The following PRKG1 variants were observed in gnomAD, a reference collection of about 807,000 sequenced individuals.
The protein encoded by PRKG1 is protein kinase cGMP-dependent 1.
In PRKG1, 35 loss-of-function variants were observed where a neutral mutation model predicts 88.1. That is an observed-to-expected ratio of 0.40 (90% CI 0.30 to 0.53). The LOEUF (loss-of-function observed/expected upper bound fraction) is 0.53, where lower values mean the gene tolerates loss of function less well. Among genes scored for constraint, PRKG1 ranks in the 20% least tolerant of loss-of-function variants. PRKG1 has a pLI of 0.59. For synonymous variants in PRKG1, 303 were observed against 292.5 expected (o/e 1.04, Z -0.37); for missense variants, 540 against 839.8 (o/e 0.64, Z 4.41).
rs1279173006 is a variant in PRKG1, at chr10:52,099,497, C to T, written c.936-34343C>T. Among the ~76,000 whole-genome samples, 4 of 152,104 alleles carry T rather than the reference C, an allele frequency of 2.6e-5. No individual in the cohort carries two copies. The East Asian group carries it at 5.8e-4, about 22-fold the overall frequency. On this transcript the variant is annotated intron_variant, in intron 7 of 17. Coordinates refer to ENST00000373980, the MANE Select transcript of PRKG1 (RefSeq NM_006258.4). ...ATGTCACACAGTATTTTGACACAGGCCTTATTGTGGATCCTCTTTTCTCTA... is the reference window on the plus strand; with the variant it reads ...ATGTCACACAGTATTTTGACACAGGTCTTATTGTGGATCCTCTTTTCTCTA...
intron 1 of PRKG1, among the ~76,000 whole-genome samples, chr10:51,084,478 G>C (rs1487363354): frequency 6.6e-6 from 1 of 152,120 alleles, no homozygotes; most frequent in Non-Finnish European, 1.5e-5. Flanking sequence ...ATAAAATAAT[G>C]TTAATTACTT....
intron 5 of PRKG1, among the ~76,000 whole-genome samples, chr10:51,988,304 C>T (rs930843683): frequency 3.9e-5 from 6 of 152,118 alleles, no homozygotes; most frequent in African/African-American, 1.4e-4. Flanking sequence ...TAACTTGATG[C>T]AACACATTAG....
At chr10:52,117,397 A>G (rs1847714542) in intron 7 of PRKG1, among the ~76,000 whole-genome samples, 1 of 152,060 alleles carries the variant, frequency 6.6e-6, no homozygotes, top group Non-Finnish European at 1.5e-5. Context: ...GTTTTACTTG[A>G]TCTACCTGCT....
At chr10:52,240,356 TG>T (rs2132376663) in intron 9 of PRKG1, among the ~76,000 whole-genome samples, 1 of 152,196 alleles carries the variant, frequency 6.6e-6, no homozygotes, top group South Asian at 2.1e-4. Flanking sequence ...ACAAAACACT[TG>T]TCAAGTATTT....
chr10:51,410,090 C>T (rs1435216176), intron 2 of PRKG1, among the ~76,000 whole-genome samples: 1 of 151,712 alleles, frequency 6.6e-6, no homozygotes, highest in African/African-American at 2.4e-5. Context: ...CTGTTCTGAC[C>T]CCACTCCTAG....
At chr10:52,072,382 C>G (rs1030038349) in intron 7 of PRKG1, among the ~76,000 whole-genome samples, 1 of 151,946 alleles carries the variant, frequency 6.6e-6, no homozygotes, top group East Asian at 1.9e-4. Flanking sequence ...TGTCCTCTCA[C>G]TTTTCTGGCC....
At chr10:51,371,028 C>T (rs1023890331) in intron 2 of PRKG1, among the ~76,000 whole-genome samples, 3 of 151,862 alleles carry the variant, frequency 2.0e-5, no homozygotes, top group African/African-American at 4.9e-5. Flanking sequence ...CTCATTTGTC[C>T]GCATGGTATA....
intron 4 of PRKG1, among the ~76,000 whole-genome samples, chr10:51,868,040 C>T (rs1458356850): frequency 6.6e-6 from 1 of 152,036 alleles, no homozygotes; most frequent in Non-Finnish European, 1.5e-5. Context: ...GTAAATGACT[C>T]ACTGGTGCTT....
chr10:51,722,616 C>A (rs1451336324), intron 3 of PRKG1, among the ~76,000 whole-genome samples: 5 of 152,098 alleles, frequency 3.3e-5, no homozygotes, highest in Admixed American at 3.3e-4. Flanking sequence ...CAAAATATTT[C>A]ACCTCTATGG....
intron 2 of PRKG1, among the ~76,000 whole-genome samples, chr10:51,274,037 G>A: frequency 6.6e-6 from 1 of 152,252 alleles, no homozygotes; most frequent in African/African-American, 2.4e-5. Flanking sequence ...TCCCAAGTTT[G>A]TTGTGAGCTT....
intron 4 of PRKG1, among the ~76,000 whole-genome samples, chr10:51,884,172 C>T (rs957868503): frequency 7.9e-5 from 12 of 151,694 alleles, no homozygotes; most frequent in African/African-American, 2.2e-4. Flanking sequence ...GTTGGCCGGG[C>T]GCGGTGGCTC....
chr10:51,323,788 A>G (rs1841512515), intron 2 of PRKG1, among the ~76,000 whole-genome samples: 1 of 152,136 alleles, frequency 6.6e-6, no homozygotes, highest in Admixed American at 6.5e-5. Context: ...TGTCTTTACA[A>G]AGAAAATTGT....
chr10:52,245,808 G>T (rs1841009439), intron 9 of PRKG1, among the ~76,000 whole-genome samples: 1 of 146,788 alleles, frequency 6.8e-6, no homozygotes, highest in African/African-American at 2.6e-5. Context: ...TTTATTTGTT[G>T]GAGGCACTTA....
chr10:51,279,744 C>T (rs1263942028), intron 2 of PRKG1, among the ~76,000 whole-genome samples: 5 of 152,170 alleles, frequency 3.3e-5, no homozygotes, highest in African/African-American at 4.8e-5. Context: ...TCCTCCATCC[C>T]TTTATTTTGA....
chr10:51,175,213 T>G (rs1837158909), intron 2 of PRKG1, among the ~76,000 whole-genome samples: 1 of 151,962 alleles, frequency 6.6e-6, no homozygotes, highest in Non-Finnish European at 1.5e-5. Flanking sequence ...TATTATAATG[T>G]ACATTATTTC....
At chr10:52,026,098 G>C (rs2133201142) in intron 5 of PRKG1, among the ~76,000 whole-genome samples, 1 of 152,064 alleles carries the variant, frequency 6.6e-6, no homozygotes. Flanking sequence ...ATGGTGTTGT[G>C]AAAACTGGCT....
chr10:52,285,120 C>A (rs1267283104), intron 14 of PRKG1, among the ~76,000 whole-genome samples: 4 of 151,966 alleles, frequency 2.6e-5, no homozygotes, highest in Non-Finnish European at 5.9e-5. Flanking sequence ...GCCCCTCTTA[C>A]AACCCCAGCC....
intron 4 of PRKG1, among the ~76,000 whole-genome samples, chr10:51,814,043 C>T (rs1839523618): frequency 1.3e-5 from 2 of 152,164 alleles, no homozygotes; most frequent in African/African-American, 4.8e-5. Flanking sequence ...AAATGACTTA[C>T]AACTCAGGAT....
intron 3 of PRKG1, among the ~76,000 whole-genome samples, chr10:51,519,426 C>T (rs1841679342): frequency 6.6e-6 from 1 of 152,058 alleles, no homozygotes; most frequent in South Asian, 2.1e-4. Context: ...TCTATTCCAT[C>T]TTCTCCTCTT....
Sources: allele counts gnomAD v4.1 joint callset (sites outside exome capture counted in the v4.1 genomes callset), GRCh38; gene constraint gnomAD v4.1.1; transcripts MANE v1.5; gene names NCBI Gene and HGNC (gene_info 2026-07-23, HGNC 2026-07-21).